Variants in ZNF765 observed in about 807,000 individuals in gnomAD.
ZNF765 encodes the protein zinc finger protein 765.
ZNF765 carries 37 observed loss-of-function variants against 44.7 expected under a neutral mutation model. The observed-to-expected ratio is 0.83, with a 90% confidence interval of 0.64 to 1.09. ZNF765 has a LOEUF of 1.09. Ranked by LOEUF, ZNF765 falls within the 50% of genes least tolerant of loss-of-function variation. ZNF765 has a pLI of 0.00. For missense variants in ZNF765, 594 were observed against 626.1 expected, an observed-to-expected ratio of 0.95 and a Z score of 0.55; for synonymous variants, 201 against 213.7, an observed-to-expected ratio of 0.94 and a Z score of 0.52.
In ZNF765 at chr19:53,402,151, G is replaced by A. The variant is rs551316947; in HGVS notation, c.102G>A (p.Arg34=). The A allele has an allele frequency of 2.3e-5, 37 of 1,613,900 alleles. No individual in the cohort carries two copies. Among genetic ancestry groups the A allele is most frequent in the East Asian group, 2.0e-4 (9 of 44,884 alleles). ...CLDPAQRTLY[R]DVMLENYRNL... is the part of the protein sequence containing the mutation. ...ACCCTGCTCAGAGGACTCTATACAG[G>A]GACGTGATGCTGGAGAATTATAGGA... is the stretch of plus-strand genomic sequence containing the variant. Residue 34 remains arginine, a synonymous_variant, in exon 3 of 4, where the codon AGG becomes AGA. Transcript: ENST00000396408.
At chr19:53,416,227 T>C (rs1268285575), downstream of ZNF765, among the ~76,000 whole-genome samples, 1 of 152,166 alleles carries the variant, frequency 6.6e-6, no homozygotes, top group Non-Finnish European at 1.5e-5. Flanking sequence ...ATGCTGGCAT[T>C]ACACACAGTT....
Position 53,408,291 on chromosome 19 carries a change from G to A in ZNF765, c.736G>A (p.Asp246Asn), listed in dbSNP as rs374245107. 5.1e-5 allele frequency: 82 copies of A among 1,614,154 alleles called. No individual in the cohort carries two copies. The highest frequency in any genetic ancestry group is 2.3e-4 in the South Asian group (21 of 91,082). Residue 246 changes from aspartate to asparagine, a missense_variant, in exon 4 of 4, where the codon GAT becomes AAT. Physicochemically the swap from Asp to Asn is conservative, Grantham distance 23 (BLOSUM62 1). This residue lies in a region of ZNF765 where 567 missense variants were observed against 572.6 expected (regional missense o/e 0.99). Coordinates refer to ENST00000396408, the MANE Select transcript of ZNF765 (RefSeq NM_001040185.3). ...TTTAGGAGAGAAACAATATAAATGC[G>A]ATATATGTGGCAAGGTCTTTAATTC... ...IHLGEKQYKC[D>N]ICGKVFNSKR...
chr19:53,405,911 A>G (rs2085769142), intron 3 of ZNF765, among the ~76,000 whole-genome samples: 1 of 51,726 alleles, frequency 1.9e-5, no homozygotes. Context: ...AACTATATAT[A>G]TATATATATA....
chr19:53,405,089 A>G (rs1365944338), intron 3 of ZNF765, among the ~76,000 whole-genome samples: 1 of 152,096 alleles, frequency 6.6e-6, no homozygotes, highest in East Asian at 1.9e-4. Flanking sequence ...CGGTGGCTCA[A>G]GCCAGTTATC....
intron 3 of ZNF765, among the ~76,000 whole-genome samples, chr19:53,402,590 C>T (rs895476156): frequency 7.9e-5 from 12 of 152,020 alleles, no homozygotes; most frequent in Non-Finnish European, 1.2e-4. Context: ...GATAAAGTGT[C>T]TCTCTCTGTC....
At position 53,410,080 on chromosome 19, in the gene ZNF765, T is replaced by C; in HGVS notation, c.*953T>C. On this transcript the variant is annotated 3_prime_UTR_variant, in exon 4 of 4. Transcript: ENST00000396408. Reference sequence around the variant, plus strand: ...TTGCAGTTCATGGGTGAAGTCGTATTAGAAACCTTACAAATGTGAAGAATG... The same window carrying C: ...TTGCAGTTCATGGGTGAAGTCGTATCAGAAACCTTACAAATGTGAAGAATG... The C allele has an allele frequency of 2.2e-6, 1 of 450,772 alleles. No homozygotes were observed. Among genetic ancestry groups the C allele is most frequent in the East Asian group, 6.7e-5 (1 of 14,978 alleles). The allele number at this position is 450,772 out of a possible 1,614,324, so 27.9% of individuals were successfully genotyped here. A position where few individuals can be genotyped will look rare whatever the true frequency, so the allele number is the denominator to read the frequency against.
At chr19:53,399,209 A>G (rs1006459254) in intron 2 of ZNF765, among the ~76,000 whole-genome samples, 2 of 147,196 alleles carry the variant, frequency 1.4e-5, no homozygotes, top group African/African-American at 2.5e-5. Flanking sequence ...AGCATTAGGT[A>G]TATCTCCTAA....
At chr19:53,414,309 C>G (rs1177640717), downstream of ZNF765, among the ~76,000 whole-genome samples, 1 of 149,088 alleles carries the variant, frequency 6.7e-6, no homozygotes, top group East Asian at 2.0e-4. Flanking sequence ...AGGGGAGAAC[C>G]AGGTATGATA....
exon 4 of ZNF765, chr19:53,425,503 G>C (rs759621649): frequency 6.6e-6 from 1 of 152,206 alleles, no homozygotes; most frequent in Non-Finnish European, 1.5e-5. Flanking sequence ...GTAGAGGCAA[G>C]GTCTTGCCAT....
At position 53,409,990 on chromosome 19, in the gene ZNF765, G is replaced by T; in HGVS notation, c.*863G>T. 1.8e-6 allele frequency: 1 copy of T among 541,244 alleles called. No individual in the cohort carries two copies. The highest frequency in any genetic ancestry group is 1.5e-5 in the South Asian group (1 of 66,924). The allele number at this position is 541,244 out of a possible 1,614,324, so 33.5% of individuals were successfully genotyped here. A position where few individuals can be genotyped will look rare whatever the true frequency, so the allele number is the denominator to read the frequency against. Reference sequence around the variant, plus strand: ...ATCATTGGAGAATCCATAATGAAGAGAGATCCTACAAGTGTGATAAATGCA... The same window carrying T: ...ATCATTGGAGAATCCATAATGAAGATAGATCCTACAAGTGTGATAAATGCA... On this transcript the variant is annotated 3_prime_UTR_variant, in exon 4 of 4. Transcript: ENST00000396408.
intron 1 of ZNF765, 57 bp downstream of exon 1, chr19:53,395,250 G>T (rs1020222246): frequency 7.2e-5 from 11 of 152,300 alleles, no homozygotes; most frequent in African/African-American, 2.7e-4. Flanking sequence ...TGGCGCTTCT[G>T]TACCTGGGGC....
chr19:53,414,989 T>C (rs2085866369), downstream of ZNF765, among the ~76,000 whole-genome samples: 1 of 152,198 alleles, frequency 6.6e-6, no homozygotes, highest in African/African-American at 2.4e-5. Flanking sequence ...CATCACTGAT[T>C]GGCCACGCAC....
rs1390874630 is a variant in ZNF765, at chr19:53,410,394, G to A, written c.*1267G>A. 4 of 335,988 alleles carry A rather than the reference G, an allele frequency of 1.2e-5. No individual in the cohort carries two copies. Among genetic ancestry groups the A allele is most frequent in the Non-Finnish European group, 2.4e-5 (4 of 165,964 alleles). 20.8% of individuals were successfully genotyped at this position (335,988 alleles called of 1,614,324 possible). On this transcript the variant is annotated 3_prime_UTR_variant, in exon 4 of 4. Transcript: ENST00000396408. ...CACACTCAAACCTTGAAAGACACAGGAGAATTCCTACTGGAGAGATAGCAT... is the reference window on the plus strand; with the variant it reads ...CACACTCAAACCTTGAAAGACACAGAAGAATTCCTACTGGAGAGATAGCAT...
intron 3 of ZNF765, 57 bp downstream of exon 3, chr19:53,402,248 C>CTTTTTTT (rs72582439): frequency 3.2e-6 from 4 of 1,260,626 alleles, no homozygotes; most frequent in East Asian, 3.1e-5. Flanking sequence ...ATTTTCTCTC[C>CTTTTTTT]TTTTTTTTTT....
intron 3 of ZNF765, among the ~76,000 whole-genome samples, chr19:53,405,530 T>TGA (rs1243402892): frequency 6.6e-5 from 10 of 151,538 alleles, no homozygotes; most frequent in African/African-American, 2.4e-4. Context: ...TGGTTCCTGG[T>TGA]GAGAGCATTC....
chr19:53,398,064 CCTT>C (rs765240570), intron 2 of ZNF765, 34 bp downstream of exon 2: 17 of 1,613,712 alleles, frequency 1.1e-5, no homozygotes, highest in Middle Eastern at 3.3e-4. Context: ...TGTTCTGTCT[CCTT>C]CTTTTCAGAA....
At position 53,408,967 on chromosome 19, in the gene ZNF765, G is replaced by T. The variant is rs762554302; in HGVS notation, c.1412G>T (p.Cys471Phe). 2.2e-5 allele frequency: 35 copies of T among 1,603,952 alleles called. No homozygotes were observed. Among genetic ancestry groups the T allele is most frequent in the Non-Finnish European group, 2.0e-5 (23 of 1,173,042 alleles). Residue 471 changes from cysteine (C) to phenylalanine (F), a missense_variant, in exon 4 of 4, where the codon TGT (cysteine) becomes TTT (phenylalanine). Cys to Phe is a radical substitution (Grantham distance 205). Transcript: ENST00000396408. ...TEENPYKCNE[C>F]GKTFSRTSSL... ...GAGAATCCTTACAAGTGTAATGAGT[G>T]TGGCAAGACCTTCAGCCGGACGTCA... is the stretch of plus-strand genomic sequence containing the variant.
chr19:53,414,723 T>TAG (rs1358073358), downstream of ZNF765, among the ~76,000 whole-genome samples: 1 of 148,746 alleles, frequency 6.7e-6, no homozygotes, highest in Non-Finnish European at 1.5e-5. Flanking sequence ...TGTTATCAGT[T>TAG]GTCTGTCTTG....
At chr19:53,401,507 G>A (rs942409854) in intron 2 of ZNF765, among the ~76,000 whole-genome samples, 18 of 151,430 alleles carry the variant, frequency 1.2e-4, no homozygotes, top group Non-Finnish European at 2.1e-4. Flanking sequence ...AGCTTGCAGT[G>A]AGCCGAGATC....
Sources: allele counts gnomAD v4.1 joint callset (sites outside exome capture counted in the v4.1 genomes callset), GRCh38; gene constraint gnomAD v4.1.1; regional missense constraint gnomAD v4.1.1; transcripts MANE v1.5; gene names NCBI Gene and HGNC (gene_info 2026-07-23, HGNC 2026-07-21).